MARS1: variants seen among roughly 807,000 people sequenced by gnomAD.
MARS1 encodes the protein methionine--tRNA ligase, cytoplasmic.
MARS1 carries 80 observed loss-of-function variants against 119.5 expected under a neutral mutation model. The observed-to-expected ratio is 0.67, with a 90% CI of 0.56 to 0.81. The LOEUF is 0.81. MARS1 is among the 30% of genes least tolerant of loss of function. The pLI, the probability that MARS1 is intolerant of heterozygous loss-of-function variation, is 0.00. For synonymous variants in MARS1, 418 were observed against 433.4 expected (o/e 0.96, Z 0.44); for missense variants, 945 against 1,116.5 (o/e 0.85, Z 2.19).
chr12:57,489,333 G>A lies in MARS1; in HGVS notation c.267G>A (p.Ala89=), dbSNP rs752312333. The A allele has an allele frequency of 2.0e-5, 32 of 1,613,922 alleles. No individual in the cohort carries two copies. The highest frequency in any genetic ancestry group is 2.6e-5 in the Non-Finnish European group (31 of 1,180,042). ...DLTNQWLEWE[A]TELQPALSAA... ...CTAACCAGTGGCTGGAATGGGAAGC[G>A]ACAGAGCTGCAGGTAGGACTAAGGT... is the stretch of plus-strand genomic sequence containing the variant. Residue 89 remains alanine, a synonymous_variant, in exon 3 of 21, where the codon GCG becomes GCA. Coordinates refer to ENST00000262027, the MANE Select transcript of MARS1 (RefSeq NM_004990.4).
At chr12:57,494,111 A>G (rs1009992297) in intron 7 of MARS1, among the ~76,000 whole-genome samples, 3 of 146,840 alleles carry the variant, frequency 2.0e-5, no homozygotes, top group African/African-American at 5.0e-5. Context: ...GCACACCACC[A>G]TGCCCAGCTA....
At chr12:57,493,769 T>TA (rs1565641025) in intron 7 of MARS1, among the ~76,000 whole-genome samples, 1 of 660 alleles carries the variant, frequency 1.5e-3, no homozygotes, top group African/African-American at 2.9e-3. Flanking sequence ...ATATATATTA[T>TA]ATATAATATA....
rs1281573574 is a variant in MARS1, at chr12:57,500,311, A to C, written c.1092-10A>C. On this transcript the variant is annotated splice_polypyrimidine_tract_variant and intron_variant, in intron 9 of 20. Transcript: ENST00000262027. ...ACTGTCTCTTCCTGATCCCTGGCCC[A>C]CCTCACCAGAATCACCCAGGACATT... 1.2e-6 allele frequency: 2 copies of C among 1,613,454 alleles called. No homozygotes were observed. The highest frequency in any genetic ancestry group is 1.7e-6 in the Non-Finnish European group (2 of 1,179,632).
In MARS1 at chr12:57,516,622, C is replaced by G; in HGVS notation, c.*41C>G. On this transcript the variant is annotated 3_prime_UTR_variant, in exon 21 of 21. Coordinates refer to ENST00000262027, the MANE Select transcript of MARS1 (RefSeq NM_004990.4). ...AGAAAGTCACTTTAATAGATAGGGACAGTAATAAATAAATGTACAATCTCT... is the reference window on the plus strand; with the variant it reads ...AGAAAGTCACTTTAATAGATAGGGAGAGTAATAAATAAATGTACAATCTCT... 5.2e-6 allele frequency: 8 copies of G among 1,541,238 alleles called. No individual in the cohort carries two copies. Among genetic ancestry groups the G allele is most frequent in the Non-Finnish European group, 7.0e-6 (8 of 1,149,916 alleles).
chr12:57,508,530 A>G (rs1234875957), intron 11 of MARS1, among the ~76,000 whole-genome samples: 3 of 152,268 alleles, frequency 2.0e-5, no homozygotes, highest in South Asian at 2.1e-4. Context: ...GCGTGGCGGC[A>G]CGCGCCCGCA....
intron 10 of MARS1, among the ~76,000 whole-genome samples, chr12:57,502,513 C>A (rs1876963332): frequency 6.6e-6 from 1 of 151,666 alleles, no homozygotes; most frequent in Non-Finnish European, 1.5e-5. Context: ...TCAGACCAGT[C>A]TGACCAACAT....
chr12:57,502,200 G>T (rs1257680820), intron 10 of MARS1, among the ~76,000 whole-genome samples: 2 of 152,136 alleles, frequency 1.3e-5, no homozygotes, highest in African/African-American at 4.8e-5. Flanking sequence ...GTAAGTTTTT[G>T]GCCTGAGTAG....
In MARS1 at chr12:57,514,845, A is replaced by T. The variant is rs1401182603; in HGVS notation, c.2093A>T (p.Lys698Met). ...ELQHYHQLLE[K>M]VRIRDALRSI... Reference sequence around the variant, plus strand: ...CAGCACTATCACCAGCTACTTGAGAAGGTTCGGTAAGTAACTGACACCTCT... The same window carrying T: ...CAGCACTATCACCAGCTACTTGAGATGGTTCGGTAAGTAACTGACACCTCT... Residue 698 changes from lysine to methionine, a missense_variant, in exon 16 of 21, where the codon AAG (lysine) becomes ATG (methionine). By Grantham distance (95) the Lys-to-Met change is moderately conservative. Coordinates refer to ENST00000262027, the MANE Select transcript of MARS1 (RefSeq NM_004990.4). 2 of 1,613,710 alleles carry T rather than the reference A, an allele frequency of 1.2e-6. No individual in the cohort carries two copies. Among genetic ancestry groups the T allele is most frequent in the Non-Finnish European group, 1.7e-6 (2 of 1,179,778 alleles).
At chr12:57,490,045 G>C in intron 5 of MARS1, 74 bp downstream of exon 5, 1 of 1,495,142 alleles carries the variant, frequency 6.7e-7, no homozygotes, top group South Asian at 1.1e-5. Flanking sequence ...AGAATACTGA[G>C]AACTCCCTTC....
intron 7 of MARS1, among the ~76,000 whole-genome samples, chr12:57,492,153 C>T (rs1476875116): frequency 6.6e-6 from 1 of 151,268 alleles, no homozygotes; most frequent in Non-Finnish European, 1.5e-5. Context: ...GTGGCGGGCA[C>T]TTGTAGTCCC....
intron 19 of MARS1, 48 bp from the exon 20 acceptor site, chr12:57,516,197 G>A: frequency 6.5e-7 from 1 of 1,548,912 alleles, no homozygotes; most frequent in Non-Finnish European, 8.9e-7. Context: ...TAAAACTGGA[G>A]GTTAGGGGAT....
chr12:57,516,271 T>C lies in MARS1; in HGVS notation c.2490T>C (p.Val830=). Reference sequence around the variant, plus strand: ...CAAAAACGTCCCCGAAGCCAGCAGTTGTAGAGACTGTTACAACAGCCAAGC... The same window carrying C: ...CAAAAACGTCCCCGAAGCCAGCAGTCGTAGAGACTGTTACAACAGCCAAGC... ...GQAKTSPKPA[V]VETVTTAKPQ... The change falls in exon 20 of 21, where the codon GTT becomes GTC. Residue 830 remains valine, a synonymous_variant. Transcript: ENST00000262027. The C allele has an allele frequency of 1.2e-6, 2 of 1,614,138 alleles. No individual in the cohort carries two copies. The highest frequency in any genetic ancestry group is 1.7e-6 in the Non-Finnish European group (2 of 1,180,038).
chr12:57,511,807 G>A lies in MARS1; in HGVS notation c.1478G>A (p.Arg493His). The A allele has an allele frequency of 6.2e-7, 1 of 1,614,154 alleles. No individual in the cohort carries two copies. Among genetic ancestry groups the A allele is most frequent in the Non-Finnish European group, 8.5e-7 (1 of 1,180,020 alleles). Residue 493 changes from arginine (R) to histidine (H), a missense_variant, in exon 12 of 21, where the codon CGC (arginine) becomes CAC (histidine). Physicochemically the swap from Arg to His is conservative, Grantham distance 29. Transcript: ENST00000262027. The part of the protein sequence containing the change: ...RSWLRDGLKP[R>H]CITRDLKWGT... ...TGGCTTCGGGATGGCCTCAAGCCAC[G>A]CTGCATAACCCGAGACCTCAAATGG...
chr12:57,508,810 C>T lies in MARS1; in HGVS notation c.1369-2888C>T, dbSNP rs1176270885. On this transcript the variant is annotated intron_variant, in intron 11 of 20. Transcript: ENST00000262027. ...CTTCTGACCTCAAATGATTCACCCG[C>T]CTTAGCCTCCCAAAGTGCTGGGATT... is the stretch of plus-strand genomic sequence containing the variant. Among the ~76,000 whole-genome samples, 4 of 152,176 alleles carry T rather than the reference C, an allele frequency of 2.6e-5. 1 individual carries two copies. In the South Asian group the frequency reaches 8.3e-4, roughly 32 times the overall value.
chr12:57,508,290 T>G (rs1330543761), intron 11 of MARS1, among the ~76,000 whole-genome samples: 2 of 152,152 alleles, frequency 1.3e-5, no homozygotes, highest in African/African-American at 4.8e-5. Flanking sequence ...ATCTCGGCAC[T>G]TTGGGAGGCC....
At chr12:57,495,128 C>G (rs1449163775) in intron 7 of MARS1, among the ~76,000 whole-genome samples, 2 of 148,822 alleles carry the variant, frequency 1.3e-5, no homozygotes, top group African/African-American at 5.0e-5. Context: ...GGCGGCCAGG[C>G]GGAGGCGCCC....
intron 18 of MARS1, chr12:57,515,592 A>G: frequency 1.7e-6 from 1 of 578,910 alleles, no homozygotes; most frequent in Non-Finnish European, 3.1e-6. Flanking sequence ...GTGATCACCT[A>G]GTCTCCATAA....
At chr12:57,513,614 CAAA>C (rs34526594) in intron 15 of MARS1, among the ~76,000 whole-genome samples, 9 of 74,392 alleles carry the variant, frequency 1.2e-4, no homozygotes, top group Middle Eastern at 8.1e-3. Context: ...GATCCTGTCT[CAAA>C]AAAAAAAAAA....
chr12:57,515,299 TC>T lies in MARS1; in HGVS notation c.2356del (p.Leu786CysfsTer28). On this transcript the variant is annotated frameshift_variant, in exon 18 of 21. Transcript: ENST00000262027. LOFTEE classifies it high-confidence loss of function. ...GCCTGCAGTATCCTGCTGACAAACTTCCTGTGTACCTTACCAGCAGGACACC... is the reference window on the plus strand; with the variant it reads ...GCCTGCAGTATCCTGCTGACAAACTTCTGTGTACCTTACCAGCAGGACACC... Reference protein sequence around the residue: ...PPACSILLTNFLCTLPAGHQI... With the variant: ...PPACSILLTNXLCTLPAGHQI... 3 of 1,613,618 alleles carry T rather than the reference TC, an allele frequency of 1.9e-6. No individual in the cohort carries two copies. The highest frequency in any genetic ancestry group is 1.7e-5 in the Admixed American group (1 of 60,004).
Sources: gnomAD v4.1 joint callset for allele counts (sites outside exome capture counted in the v4.1 genomes callset) on GRCh38, gnomAD v4.1.1 for gene constraint, MANE v1.5 for transcripts, NCBI Gene and HGNC (gene_info 2026-07-23, HGNC 2026-07-21) for gene names.